Variants in CDH18 observed in about 807,000 individuals in gnomAD.
CDH18 encodes cadherin-18.
A neutral mutation model predicts 67.9 loss-of-function variants in CDH18; 31 were observed. That is an observed-to-expected ratio of 0.46 (90% CI 0.34 to 0.62). The LOEUF is 0.62. CDH18 is among the 20% of genes least tolerant of loss of function. The pLI is 0.01. For missense variants in CDH18, 890 were observed against 975.5 expected (o/e 0.91, Z 1.17); for synonymous variants, 362 against 347.2 (o/e 1.04, Z -0.48).
chr5:20,210,278 T>C (rs879298415), intron 2 of CDH18, among the ~76,000 whole-genome samples: 9 of 151,954 alleles, frequency 5.9e-5, no homozygotes, highest in Non-Finnish European at 1.2e-4. Flanking sequence ...ATTTCTTCTA[T>C]ATTCTTTTGA....
intron 2 of CDH18, among the ~76,000 whole-genome samples, chr5:20,172,926 G>A (rs1456756622): frequency 1.3e-5 from 2 of 151,536 alleles, no homozygotes; most frequent in South Asian, 4.2e-4. Context: ...AGAGGCGGAG[G>A]TTGCAGTGAG....
intron 1 of CDH18, among the ~76,000 whole-genome samples, chr5:20,436,941 C>A (rs1031467862): frequency 6.6e-6 from 1 of 151,350 alleles, no homozygotes. Flanking sequence ...CCAGTGAATT[C>A]TAATGCAATG....
intron 6 of CDH18, 97 bp from the exon 7 acceptor site, chr5:19,591,341 A>G: frequency 1.2e-6 from 1 of 816,458 alleles, no homozygotes; most frequent in Non-Finnish European, 1.8e-6. Flanking sequence ...TCAAATGAAG[A>G]CTATATTAGG....
At chr5:20,183,209 T>C (rs942805230) in intron 2 of CDH18, among the ~76,000 whole-genome samples, 3 of 35,726 alleles carry the variant, frequency 8.4e-5, no homozygotes, top group African/African-American at 2.0e-4. Context: ...ATTACTATTG[T>C]TGTTATTGTT....
intron 7 of CDH18, among the ~76,000 whole-genome samples, chr5:19,575,491 T>C (rs1395565402): frequency 6.6e-6 from 1 of 152,206 alleles, no homozygotes; most frequent in East Asian, 1.9e-4. Flanking sequence ...TCATTTCATA[T>C]GGTTCAGTCT....
chr5:19,642,537 T>C (rs1051610059), intron 5 of CDH18, among the ~76,000 whole-genome samples: 2 of 152,048 alleles, frequency 1.3e-5, no homozygotes, highest in Non-Finnish European at 2.9e-5. Flanking sequence ...TCTACGGCTA[T>C]CTGATCTTTA....
intron 3 of CDH18, among the ~76,000 whole-genome samples, chr5:19,770,146 T>C (rs535757581): frequency 1.8e-4 from 27 of 152,224 alleles, no homozygotes; most frequent in African/African-American, 6.3e-4. Context: ...GCCATTTTGA[T>C]AAGCATTTGT....
intron 5 of CDH18, among the ~76,000 whole-genome samples, chr5:19,697,169 T>C (rs1762639905): frequency 6.6e-6 from 1 of 152,166 alleles, no homozygotes; most frequent in African/African-American, 2.4e-5. Context: ...AAGTGGAAAA[T>C]ATCTTGTTCT....
chr5:19,795,624 G>C (rs1021413139), intron 3 of CDH18, among the ~76,000 whole-genome samples: 28 of 151,932 alleles, frequency 1.8e-4, no homozygotes, highest in African/African-American at 6.5e-4. Context: ...ACTTTAACAA[G>C]ACTAATTTAA....
chr5:20,167,217 A>C (rs1736361312), intron 2 of CDH18, among the ~76,000 whole-genome samples: 1 of 152,160 alleles, frequency 6.6e-6, no homozygotes, highest in Non-Finnish European at 1.5e-5. Context: ...TGAGGGAGAC[A>C]CTGTATTTTT....
chr5:19,613,370 G>A (rs1296212380), intron 5 of CDH18, among the ~76,000 whole-genome samples: 2 of 152,026 alleles, frequency 1.3e-5, no homozygotes, highest in Non-Finnish European at 2.9e-5. Context: ...TGAGGAGTTT[G>A]GACACTTAAA....
At chr5:19,692,696 G>A (rs563821395) in intron 5 of CDH18, among the ~76,000 whole-genome samples, 2 of 151,906 alleles carry the variant, frequency 1.3e-5, no homozygotes, top group East Asian at 3.9e-4. Context: ...TCATACCCCA[G>A]TTAGAATGGC....
At chr5:19,762,830 A>G (rs1581237685) in intron 3 of CDH18, among the ~76,000 whole-genome samples, 1 of 152,220 alleles carries the variant, frequency 6.6e-6, no homozygotes, top group East Asian at 1.9e-4. Flanking sequence ...TCACAATAGC[A>G]AAGACTTGGA....
At position 19,712,985 on chromosome 5, in the gene CDH18, G is replaced by T. The variant is rs1764900481; in HGVS notation, c.643+8362C>A. On this transcript the variant is annotated intron_variant, in intron 5 of 12. Transcript: ENST00000382275. ...TGAATTATGTTTAATCAGGTTTAAA[G>T]ACTAAAGAACACAATCGCAATGTTT... 6.6e-5 allele frequency among the ~76,000 whole-genome samples: 10 copies of T among 151,884 alleles called. No individual in the cohort carries two copies. The South Asian group carries it at 2.1e-3, about 31-fold the overall frequency.
At chr5:20,202,682 T>C (rs1157916787) in intron 2 of CDH18, among the ~76,000 whole-genome samples, 4 of 151,996 alleles carry the variant, frequency 2.6e-5, no homozygotes, top group Admixed American at 6.6e-5. Flanking sequence ...TTTTTTTGCA[T>C]TTTGCTAGGA....
chr5:20,263,830 T>A (rs973988730), intron 1 of CDH18, among the ~76,000 whole-genome samples: 2 of 152,118 alleles, frequency 1.3e-5, no homozygotes, highest in African/African-American at 4.8e-5. Flanking sequence ...CCTTTTCAAC[T>A]ACATGTATGA....
intron 5 of CDH18, among the ~76,000 whole-genome samples, chr5:19,694,156 C>T (rs116627846): frequency 0.014 from 2,162 of 152,206 alleles, 35 homozygotes; most frequent in Non-Finnish European, 0.023. Flanking sequence ...GGTCTAATTT[C>T]GTCAATAGTG....
At chr5:19,599,311 T>C (rs989218875) in intron 6 of CDH18, among the ~76,000 whole-genome samples, 2 of 152,160 alleles carry the variant, frequency 1.3e-5, no homozygotes, top group East Asian at 3.9e-4. Context: ...ATATCTGTTA[T>C]ATAATGGATT....
intron 2 of CDH18, among the ~76,000 whole-genome samples, chr5:19,950,187 G>A (rs972637169): frequency 2.0e-5 from 3 of 151,774 alleles, no homozygotes. Context: ...ATACTACTAA[G>A]ATATAAAAGG....
Sources: allele counts gnomAD v4.1 joint callset (sites outside exome capture counted in the v4.1 genomes callset), GRCh38; gene constraint gnomAD v4.1.1; transcripts MANE v1.5; gene names NCBI Gene and HGNC (gene_info 2026-07-23, HGNC 2026-07-21).